The following ARMC3 variants were observed in gnomAD, a reference collection of about 807,000 sequenced individuals.
ARMC3 encodes armadillo repeat-containing protein 3.
ARMC3 carries 74 observed loss-of-function variants against 90.3 expected under a neutral mutation model. That is an observed-to-expected ratio of 0.82 (90% confidence interval 0.68 to 0.99). ARMC3 has a LOEUF of 0.99. ARMC3 is among the 50% of genes least tolerant of loss of function. The pLI is 0.00. For synonymous variants in ARMC3, 334 were observed against 361.8 expected, an observed-to-expected ratio of 0.92 and a Z score of 0.87; for missense variants, 958 against 1,042.8, an observed-to-expected ratio of 0.92 and a Z score of 1.12.
At chr10:23,033,126 C>T in intron 18 of ARMC3, 103 bp downstream of exon 18, 1 of 1,124,806 alleles carries the variant, frequency 8.9e-7, no homozygotes, top group South Asian at 1.4e-5. Context: ...ATTATTAATT[C>T]TACCATTTAG....
intron 10 of ARMC3, among the ~76,000 whole-genome samples, chr10:22,993,588 A>T (rs1441073651): frequency 6.6e-6 from 1 of 152,200 alleles, no homozygotes; most frequent in Non-Finnish European, 1.5e-5. Flanking sequence ...GATTCGAGTC[A>T]ATTAAAATAC....
intron 10 of ARMC3, among the ~76,000 whole-genome samples, chr10:22,992,136 A>C (rs1447665432): frequency 1.3e-5 from 2 of 152,224 alleles, no homozygotes; most frequent in Admixed American, 6.5e-5. Context: ...TTGTGATTGA[A>C]CAGATAGGTC....
rs1263904374 is a variant in ARMC3, at chr10:22,930,424, T to G, written c.-1-1572T>G. Among the ~76,000 whole-genome samples, 3 of 152,244 alleles carry G rather than the reference T, an allele frequency of 2.0e-5. No individual in the cohort carries two copies. In the East Asian group the frequency reaches 5.8e-4, roughly 29 times the overall value. The stretch of plus-strand genomic sequence containing the variant: ...CCAGGTGTATGTACTGATTGCTGAG[T>G]AATTTCAAATACAAATTTCAAAAGT... On this transcript the variant is annotated intron_variant, in intron 1 of 18. Coordinates refer to ENST00000298032, the MANE Select transcript of ARMC3 (RefSeq NM_173081.5).
At chr10:22,947,770 T>C (rs1212753752) in intron 3 of ARMC3, among the ~76,000 whole-genome samples, 2 of 152,218 alleles carry the variant, frequency 1.3e-5, no homozygotes, top group Admixed American at 6.5e-5. Context: ...AAAGTCTTTG[T>C]ACTGTCTTTG....
intron 16 of ARMC3, among the ~76,000 whole-genome samples, chr10:23,025,618 T>G (rs1838687700): frequency 6.6e-6 from 1 of 152,070 alleles, no homozygotes; most frequent in East Asian, 1.9e-4. Context: ...AAATCTATTG[T>G]ACTAAATGCT....
intron 1 of ARMC3, among the ~76,000 whole-genome samples, chr10:22,931,589 G>A (rs1833933281): frequency 1.3e-5 from 2 of 152,178 alleles, no homozygotes; most frequent in Admixed American, 1.3e-4. Context: ...GGATAGATCA[G>A]TGCAAGAAAA....
At chr10:23,020,139 G>GT (rs979275698) in intron 16 of ARMC3, among the ~76,000 whole-genome samples, 12 of 134,262 alleles carry the variant, frequency 8.9e-5, no homozygotes, top group Non-Finnish European at 1.7e-4. Flanking sequence ...GTTTTGTTTT[G>GT]TTTTTTTGAG....
At position 22,959,153 on chromosome 10, in the gene ARMC3, T is replaced by C. The variant is rs1835083788; in HGVS notation, c.361+15T>C. ...CGCTCCAGAAGGTAACTTTGCATTC[T>C]ATATCTGTTTTAAAAAATGGAACTG... On this transcript the variant is annotated intron_variant, in intron 5 of 18. Coordinates refer to ENST00000298032, the MANE Select transcript of ARMC3 (RefSeq NM_173081.5). 6.2e-7 allele frequency: 1 copy of C among 1,602,608 alleles called. No homozygotes were observed. The highest frequency in any genetic ancestry group is 1.3e-5 in the African/African-American group (1 of 74,682).
At chr10:22,986,584 CAAAA>C in intron 10 of ARMC3, among the ~76,000 whole-genome samples, 1 of 92,334 alleles carries the variant, frequency 1.1e-5, no homozygotes. Context: ...AAAACAAACC[CAAAA>C]CAAAACAAAA....
chr10:22,937,776 T>G (rs1387235509), intron 2 of ARMC3, among the ~76,000 whole-genome samples: 1 of 152,194 alleles, frequency 6.6e-6, no homozygotes, highest in Non-Finnish European at 1.5e-5. Context: ...AGAAAAAGTT[T>G]CCAGGGGCAC....
At chr10:23,006,190 C>T (rs750707927) in intron 13 of ARMC3, among the ~76,000 whole-genome samples, 2 of 152,088 alleles carry the variant, frequency 1.3e-5, no homozygotes, top group African/African-American at 2.4e-5. Flanking sequence ...GCAGGAAGGC[C>T]GGTGCAGCTA....
rs540426766 is a variant in ARMC3 at position 23,028,579 on chromosome 10, T to A, written c.2046-2017T>A. ...ATGGGTTTTATTTACATTCTAAGAATATTCCTTTTGGGTGTGTTTTAGCAG... is the reference window on the plus strand; with the variant it reads ...ATGGGTTTTATTTACATTCTAAGAAAATTCCTTTTGGGTGTGTTTTAGCAG... On this transcript the variant is annotated intron_variant, in intron 16 of 18. Coordinates refer to ENST00000298032, the MANE Select transcript of ARMC3 (RefSeq NM_173081.5). Among the ~76,000 whole-genome samples the A allele has an allele frequency of 3.1e-3, 477 of 152,346 alleles. 3 individuals are homozygous for A. Among genetic ancestry groups the A allele is most frequent in the Middle Eastern group, 6.8e-3 (2 of 294 alleles).
intron 8 of ARMC3, among the ~76,000 whole-genome samples, chr10:22,973,052 G>A (rs1248027152): frequency 6.6e-6 from 1 of 152,000 alleles, no homozygotes; most frequent in African/African-American, 2.4e-5. Context: ...CTAGCACTTT[G>A]GGAGGTTGAG....
At chr10:23,013,874 A>G (rs980588223) in intron 16 of ARMC3, among the ~76,000 whole-genome samples, 1 of 151,864 alleles carries the variant, frequency 6.6e-6, no homozygotes, top group Non-Finnish European at 1.5e-5. Context: ...TTATCTTTAT[A>G]TCCGTAGAGC....
chr10:22,990,716 C>T (rs751228073), intron 10 of ARMC3, among the ~76,000 whole-genome samples: 6 of 152,164 alleles, frequency 3.9e-5, no homozygotes, highest in Admixed American at 6.5e-5. Flanking sequence ...GAACCTCTTA[C>T]TCTCCACCCC....
intron 7 of ARMC3, among the ~76,000 whole-genome samples, chr10:22,965,657 A>C (rs191131253): frequency 6.6e-6 from 1 of 152,168 alleles, no homozygotes; most frequent in African/African-American, 2.4e-5. Context: ...ACCCAATTAC[A>C]TATATGTTAT....
intron 10 of ARMC3, among the ~76,000 whole-genome samples, chr10:22,994,885 CAG>C (rs1836882464): frequency 2.0e-5 from 3 of 152,184 alleles, no homozygotes; most frequent in African/African-American, 4.8e-5. Context: ...ATGATATAAA[CAG>C]ATGTTTTCAT....
chr10:23,012,585 C>T (rs544003643), intron 16 of ARMC3, among the ~76,000 whole-genome samples: 1 of 152,126 alleles, frequency 6.6e-6, no homozygotes, highest in Non-Finnish European at 1.5e-5. Context: ...CTCCCTCCCC[C>T]TCTCTTCCCT....
intron 12 of ARMC3, among the ~76,000 whole-genome samples, chr10:23,002,616 T>A (rs1837360419): frequency 6.6e-6 from 1 of 151,806 alleles, no homozygotes; most frequent in South Asian, 2.1e-4. Flanking sequence ...TTTCTTTTTT[T>A]TTTTGGCAGA....
Sources: gnomAD v4.1 joint callset for allele counts (sites outside exome capture counted in the v4.1 genomes callset) on GRCh38, gnomAD v4.1.1 for gene constraint, MANE v1.5 for transcripts, NCBI Gene and HGNC (gene_info 2026-07-23, HGNC 2026-07-21) for gene names.